Variants in GABPB1 observed in about 807,000 individuals in gnomAD.
The protein encoded by GABPB1 is GA-binding protein subunit beta-1.
In GABPB1, 15 loss-of-function variants were observed where a neutral mutation model predicts 45.9. The ratio of observed to expected loss-of-function variants is 0.33; its 90% CI spans 0.22 to 0.50. The LOEUF is 0.50. Among genes scored for constraint, GABPB1 ranks in the 20% least tolerant of loss-of-function variants. GABPB1 has a pLI of 0.98. For missense variants in GABPB1, 252 were observed against 457.5 expected (o/e 0.55, Z 4.10); for synonymous variants, 143 against 154.4 (o/e 0.93, Z 0.55).
intron 1 of GABPB1, among the ~76,000 whole-genome samples, chr15:50,341,272 A>C (rs2048366639): frequency 1.3e-5 from 2 of 152,142 alleles, no homozygotes; most frequent in East Asian, 3.9e-4. Context: ...GGTGGCTCAC[A>C]CCTGTAATCC....
At chr15:50,295,951 G>T (rs74012326) in intron 6 of GABPB1, among the ~76,000 whole-genome samples, 11,607 of 152,158 alleles carry the variant, frequency 0.076, 1,337 homozygotes, top group African/African-American at 0.25. Context: ...ACATTGTAAG[G>T]TTCTCATAGG....
At chr15:50,308,081 AAGTCCT>A (rs1183079660) in intron 2 of GABPB1, among the ~76,000 whole-genome samples, 3 of 151,844 alleles carry the variant, frequency 2.0e-5, no homozygotes. Context: ...ATTTTATCTC[AAGTCCT>A]TATAGGTCTG....
intron 1 of GABPB1, among the ~76,000 whole-genome samples, chr15:50,331,648 A>T (rs1252885584): frequency 6.6e-6 from 1 of 152,184 alleles, no homozygotes; most frequent in East Asian, 1.9e-4. Context: ...TTACATTGTT[A>T]AGAGGCTACT....
intron 2 of GABPB1, among the ~76,000 whole-genome samples, chr15:50,307,650 C>T (rs917459677): frequency 3.4e-5 from 5 of 148,694 alleles, no homozygotes; most frequent in African/African-American, 5.0e-5. Flanking sequence ...TGCAGTGAGC[C>T]GAGACTGAAC....
At chr15:50,300,490 T>TGC (rs2141019632) in intron 6 of GABPB1, among the ~76,000 whole-genome samples, 1 of 136,540 alleles carries the variant, frequency 7.3e-6, no homozygotes, top group East Asian at 2.2e-4. Flanking sequence ...TCACCCAGGC[T>TGC]GGAGTGCAGT....
intron 5 of GABPB1, 45 bp downstream of exon 5, chr15:50,301,212 T>C (rs933796397): frequency 5.6e-6 from 9 of 1,612,028 alleles, no homozygotes; most frequent in African/African-American, 1.3e-5. Flanking sequence ...CCTATATGCA[T>C]CTCAATACCT....
chr15:50,344,853 T>TAATA (rs1006975347), intron 1 of GABPB1, among the ~76,000 whole-genome samples: 1 of 151,734 alleles, frequency 6.6e-6, no homozygotes, highest in African/African-American at 2.4e-5. Context: ...AAACAAAAAA[T>TAATA]AATAAATAAA....
chr15:50,294,092 C>T (rs1017856221), intron 6 of GABPB1, among the ~76,000 whole-genome samples: 4 of 152,094 alleles, frequency 2.6e-5, no homozygotes, highest in East Asian at 1.9e-4. Flanking sequence ...GCACCTTTGA[C>T]GACATCTGAG....
At chr15:50,343,142 A>G (rs1481225579) in intron 1 of GABPB1, among the ~76,000 whole-genome samples, 2 of 151,822 alleles carry the variant, frequency 1.3e-5, no homozygotes, top group African/African-American at 2.4e-5. Flanking sequence ...TTCGTGATCC[A>G]CCCGCCTCGG....
chr15:50,290,566 G>A (rs2046312100), intron 6 of GABPB1, among the ~76,000 whole-genome samples: 1 of 150,980 alleles, frequency 6.6e-6, no homozygotes, highest in Non-Finnish European at 1.5e-5. Flanking sequence ...CCTCTACACT[G>A]GGCAACAAAA....
At chr15:50,298,788 C>G (rs1028884794) in intron 6 of GABPB1, among the ~76,000 whole-genome samples, 3 of 151,948 alleles carry the variant, frequency 2.0e-5, no homozygotes, top group African/African-American at 7.3e-5. Flanking sequence ...CCCGTCCCTA[C>G]TAAAAATACA....
chr15:50,314,014 C>T (rs115275055), intron 1 of GABPB1, among the ~76,000 whole-genome samples: 3,067 of 152,182 alleles, frequency 0.02, 104 homozygotes, highest in African/African-American at 0.071. Flanking sequence ...GATCTGCTTA[C>T]ATGAATTATA....
At chr15:50,316,546 T>C (rs943794001) in intron 1 of GABPB1, among the ~76,000 whole-genome samples, 5 of 152,146 alleles carry the variant, frequency 3.3e-5, no homozygotes, top group African/African-American at 9.7e-5. Flanking sequence ...CAATTATAAA[T>C]CCAATATAAA....
intron 2 of GABPB1, among the ~76,000 whole-genome samples, chr15:50,306,017 C>G (rs2046937011): frequency 6.6e-6 from 1 of 152,002 alleles, no homozygotes; most frequent in Non-Finnish European, 1.5e-5. Flanking sequence ...CTCTGTCGCC[C>G]AGGCTAGAAT....
chr15:50,294,115 A>G (rs1273210345), intron 6 of GABPB1, among the ~76,000 whole-genome samples: 1 of 152,244 alleles, frequency 6.6e-6, no homozygotes, highest in East Asian at 1.9e-4. Flanking sequence ...CTCTTGTTCA[A>G]TAAGAATTCT....
intron 1 of GABPB1, among the ~76,000 whole-genome samples, chr15:50,326,192 A>G (rs1332466473): frequency 6.6e-6 from 1 of 151,880 alleles, no homozygotes; most frequent in East Asian, 2.0e-4. Flanking sequence ...ATGAGCCACC[A>G]TGCCTAGCCA....
At chr15:50,348,626 G>A (rs918822227) in intron 1 of GABPB1, among the ~76,000 whole-genome samples, 5 of 151,640 alleles carry the variant, frequency 3.3e-5, no homozygotes, top group African/African-American at 9.7e-5. Flanking sequence ...CACTTTGGGA[G>A]GCCGAGGCAG....
intron 1 of GABPB1, among the ~76,000 whole-genome samples, chr15:50,336,226 G>A (rs1360901825): frequency 2.0e-5 from 3 of 150,982 alleles, no homozygotes; most frequent in African/African-American, 7.3e-5. Context: ...GGGGGCAAGT[G>A]CCTGTAATTC....
chr15:50,338,228 C>A (rs866176984), intron 1 of GABPB1, among the ~76,000 whole-genome samples: 1 of 151,824 alleles, frequency 6.6e-6, no homozygotes, highest in East Asian at 1.9e-4. Flanking sequence ...TTAGTACAGA[C>A]GGGGTTTCAC....
Sources: allele counts gnomAD v4.1 joint callset (sites outside exome capture counted in the v4.1 genomes callset), GRCh38; gene constraint gnomAD v4.1.1; transcripts MANE v1.5; gene names NCBI Gene and HGNC (gene_info 2026-07-23, HGNC 2026-07-21).